Variants in SH3RF2 observed in about 807,000 individuals in gnomAD.
SH3RF2 encodes the protein SH3 domain containing ring finger 2, also known as E3 ubiquitin-protein ligase SH3RF2.
A neutral mutation model predicts 59.0 loss-of-function variants in SH3RF2; 43 were observed. That is an observed-to-expected ratio of 0.73 (90% confidence interval 0.57 to 0.94). SH3RF2 has a LOEUF of 0.94. SH3RF2 is among the 40% of genes least tolerant of loss of function. The pLI, the probability that SH3RF2 is intolerant of heterozygous loss-of-function variation, is 0.00. For synonymous variants in SH3RF2, 391 were observed against 391.5 expected, an observed-to-expected ratio of 1.00 and a Z score of 0.01; for missense variants, 930 against 940.1, an observed-to-expected ratio of 0.99 and a Z score of 0.14.
chr5:145,996,440 A>G (rs183721174), intron 2 of SH3RF2, among the ~76,000 whole-genome samples: 3 of 152,330 alleles, frequency 2.0e-5, no homozygotes, highest in African/African-American at 7.2e-5. Context: ...TGAAAAAAAC[A>G]ATTTCAATTA....
intron 7 of SH3RF2, among the ~76,000 whole-genome samples, chr5:146,052,046 A>G (rs1320998107): frequency 6.6e-6 from 1 of 152,134 alleles, no homozygotes; most frequent in African/African-American, 2.4e-5. Context: ...TGCCTACCCT[A>G]ATTCATGAAC....
exon 10 of SH3RF2, chr5:146,079,342 T>G (rs959224654): frequency 6.6e-6 from 1 of 152,228 alleles, no homozygotes; most frequent in Non-Finnish European, 1.5e-5. Flanking sequence ...TGTGCTAACC[T>G]GCAAGAGACA....
intron 5 of SH3RF2, among the ~76,000 whole-genome samples, chr5:146,018,289 C>T (rs1483352530): frequency 6.6e-6 from 1 of 152,090 alleles, no homozygotes; most frequent in African/African-American, 2.4e-5. Flanking sequence ...TTCCATTATA[C>T]CACTCTGTAT....
At position 145,985,300 on chromosome 5, in the gene SH3RF2, C is replaced by T. The variant is rs1029467650; in HGVS notation, c.379-14758C>T. 6.6e-5 allele frequency among the ~76,000 whole-genome samples: 10 copies of T among 152,168 alleles called. 1 individual carries two copies. Among genetic ancestry groups the T allele is most frequent in the Non-Finnish European group, 8.8e-5 (6 of 68,030 alleles). On this transcript the variant is annotated intron_variant, in intron 2 of 9. Coordinates refer to ENST00000359120, the MANE Select transcript of SH3RF2 (RefSeq NM_152550.4). ...ATTAAACTGCAAATAAGTATAAATA[C>T]GCACACACACAAACTTGTAAATCTT...
chr5:146,035,209 T>C (rs1761889299), intron 5 of SH3RF2, among the ~76,000 whole-genome samples: 1 of 151,980 alleles, frequency 6.6e-6, no homozygotes, highest in Non-Finnish European at 1.5e-5. Context: ...GTTGTCGCTG[T>C]AATATCATTT....
chr5:145,982,292 G>T (rs960205874), intron 2 of SH3RF2, among the ~76,000 whole-genome samples: 2 of 152,206 alleles, frequency 1.3e-5, no homozygotes, highest in African/African-American at 4.8e-5. Flanking sequence ...TCATCAAGAT[G>T]CAGGTGCTCC....
intron 2 of SH3RF2, among the ~76,000 whole-genome samples, chr5:145,972,813 G>A (rs1399123751): frequency 6.6e-6 from 1 of 152,148 alleles, no homozygotes; most frequent in Non-Finnish European, 1.5e-5. Context: ...GGTAAATAGG[G>A]CCTTGTAGAG....
At chr5:146,021,105 T>C (rs1459914776) in intron 5 of SH3RF2, among the ~76,000 whole-genome samples, 1 of 152,166 alleles carries the variant, frequency 6.6e-6, no homozygotes, top group African/African-American at 2.4e-5. Flanking sequence ...CCCAACTTTA[T>C]GGTTCTCAGG....
intron 2 of SH3RF2, among the ~76,000 whole-genome samples, chr5:145,990,796 T>G (rs1759903471): frequency 6.6e-6 from 1 of 151,078 alleles, no homozygotes; most frequent in Non-Finnish European, 1.5e-5. Context: ...GACCTGACTG[T>G]GAGATCTCCA....
Position 145,983,778 on chromosome 5 carries a change from A to G in SH3RF2, c.379-16280A>G, listed in dbSNP as rs535404191. Among the ~76,000 whole-genome samples the G allele has an allele frequency of 4.9e-4, 75 of 152,356 alleles. 2 individuals are homozygous for G. The highest frequency in any genetic ancestry group is 1.1e-3 in the Admixed American group (17 of 15,302). On this transcript the variant is annotated intron_variant, in intron 2 of 9. Transcript: ENST00000359120. Reference sequence around the variant, plus strand: ...ACTCAGTACAGAGGGCATGTTGGAAAGAAAAAGTCTTCAATAAGCGAGAGT... The same window carrying G: ...ACTCAGTACAGAGGGCATGTTGGAAGGAAAAAGTCTTCAATAAGCGAGAGT...
chr5:146,053,727 C>T (rs929546204), intron 7 of SH3RF2, among the ~76,000 whole-genome samples: 1 of 152,174 alleles, frequency 6.6e-6, no homozygotes, highest in South Asian at 2.1e-4. Context: ...GCCCAATTAG[C>T]CAGGATCTTC....
At chr5:146,025,962 C>T (rs248775) in intron 5 of SH3RF2, among the ~76,000 whole-genome samples, 46,659 of 152,110 alleles carry the variant, frequency 0.31, 8,161 homozygotes, top group Non-Finnish European at 0.39. Context: ...ATTGCTATTA[C>T]CTTCCCCCTC....
At chr5:146,064,772 AAGGAAAGGAAGGAAGG>A (rs1763039074), downstream of SH3RF2, among the ~76,000 whole-genome samples, 1 of 45,980 alleles carries the variant, frequency 2.2e-5, no homozygotes, top group African/African-American at 8.8e-5. Context: ...GGAAGGAAGG[AAGGAAAGGAAGGAAGG>A]AAGGAAGGAA....
rs547255544 is a variant in SH3RF2 at position 146,026,836 on chromosome 5, G to A, written c.1059+12775G>A. ...CCTCAGTTTTTATATCTGTAAAATG[G>A]GACTAATGATGGTAATTTTCATAAG... On this transcript the variant is annotated intron_variant, in intron 5 of 9. Transcript: ENST00000359120. Among the ~76,000 whole-genome samples the A allele has an allele frequency of 2.6e-5, 4 of 152,266 alleles. No individual in the cohort carries two copies. In the South Asian group the frequency reaches 8.3e-4, roughly 32 times the overall value.
At chr5:145,977,498 G>A (rs1010077590) in intron 2 of SH3RF2, among the ~76,000 whole-genome samples, 5 of 152,148 alleles carry the variant, frequency 3.3e-5, no homozygotes, top group Non-Finnish European at 7.4e-5. Context: ...TTCAGCCTCT[G>A]CTTACCAAGC....
intron 2 of SH3RF2, among the ~76,000 whole-genome samples, chr5:145,955,882 C>A (rs1378381274): frequency 6.6e-6 from 1 of 151,994 alleles, no homozygotes. Context: ...ATGGGGAGAT[C>A]AAGGAAGCTG....
intron 2 of SH3RF2, among the ~76,000 whole-genome samples, chr5:145,994,399 C>A (rs1044236064): frequency 6.6e-6 from 1 of 152,120 alleles, no homozygotes; most frequent in African/African-American, 2.4e-5. Context: ...TCTACTTGTA[C>A]CAATTTATTG....
chr5:146,009,869 ATC>A (rs1402299343), intron 4 of SH3RF2, among the ~76,000 whole-genome samples: 1 of 152,084 alleles, frequency 6.6e-6, no homozygotes, highest in African/African-American at 2.4e-5. Flanking sequence ...AAAATTTTCT[ATC>A]TCAGCTATTT....
chr5:146,047,050 C>A (rs1449931867), intron 5 of SH3RF2, among the ~76,000 whole-genome samples: 4 of 152,182 alleles, frequency 2.6e-5, no homozygotes, highest in Non-Finnish European at 5.9e-5. Flanking sequence ...AGGCACTGAG[C>A]CCGGCCTTCC....
Sources: gnomAD v4.1 joint callset for allele counts (sites outside exome capture counted in the v4.1 genomes callset) on GRCh38, gnomAD v4.1.1 for gene constraint, MANE v1.5 for transcripts, NCBI Gene and HGNC (gene_info 2026-07-23, HGNC 2026-07-21) for gene names.